GRID2: variants seen among roughly 807,000 people sequenced by gnomAD.
GRID2 encodes the protein glutamate ionotropic receptor delta type subunit 2, also known as glutamate receptor ionotropic, delta-2.
GRID2 carries 33 observed loss-of-function variants against 114.8 expected under a neutral mutation model. The observed-to-expected ratio is 0.29, with a 90% CI of 0.22 to 0.38. The LOEUF (loss-of-function observed/expected upper bound fraction) is 0.38, where lower values mean the gene tolerates loss of function less well. Ranked by LOEUF, GRID2 falls within the 10% of genes least tolerant of loss-of-function variation. The probability of loss-of-function intolerance (pLI) is 1.00; values close to 1 mark genes in which losing one functional copy is unlikely to be tolerated. For synonymous variants in GRID2, 505 were observed against 449.9 expected (o/e 1.12, Z -1.55); for missense variants, 1,184 against 1,257.7 (o/e 0.94, Z 0.89).
intron 14 of GRID2, among the ~76,000 whole-genome samples, chr4:93,663,575 A>G (rs1367008762): frequency 1.3e-5 from 2 of 152,174 alleles, no homozygotes; most frequent in South Asian, 4.1e-4. Context: ...TAAGAGGGTT[A>G]CTGTAATATG....
In GRID2 at chr4:92,448,212, C is replaced by T. The variant is rs142363519; in HGVS notation, c.89-141919C>T. Among the ~76,000 whole-genome samples the T allele has an allele frequency of 1.4e-3, 209 of 152,106 alleles. 2 individuals carry two copies. Among genetic ancestry groups the T allele is most frequent in the Middle Eastern group, 6.8e-3 (2 of 294 alleles). The stretch of plus-strand genomic sequence containing the variant: ...AGACAGTCTCACTCTGTCACCCAGG[C>T]TGCCTAGGCTGGAGTGCAGTGGTAC... On this transcript the variant is annotated intron_variant, in intron 1 of 15. Coordinates refer to ENST00000282020, the MANE Select transcript of GRID2 (RefSeq NM_001510.4).
At chr4:93,680,976 G>A (rs547101280) in intron 14 of GRID2, among the ~76,000 whole-genome samples, 3 of 151,454 alleles carry the variant, frequency 2.0e-5, no homozygotes, top group South Asian at 2.1e-4. Context: ...ATTAGGAAAA[G>A]AGGAAGTCCA....
At chr4:92,607,722 A>C (rs1008893848) in intron 2 of GRID2, among the ~76,000 whole-genome samples, 1 of 151,922 alleles carries the variant, frequency 6.6e-6, no homozygotes, top group African/African-American at 2.4e-5. Flanking sequence ...AGATGTGATC[A>C]GTATAATAAG....
At chr4:93,335,801 G>T (rs532447984) in intron 8 of GRID2, among the ~76,000 whole-genome samples, 6 of 151,466 alleles carry the variant, frequency 4.0e-5, no homozygotes, top group African/African-American at 1.5e-4. Context: ...TGGGCTCAAG[G>T]GATCCTCTCA....
chr4:93,663,417 C>T (rs562441391), intron 14 of GRID2, among the ~76,000 whole-genome samples: 45 of 152,342 alleles, frequency 3.0e-4, no homozygotes, highest in South Asian at 1.7e-3. Context: ...TGCACAGCCA[C>T]ACCAACGGTG....
At chr4:93,624,511 A>G (rs1480093124) in intron 13 of GRID2, among the ~76,000 whole-genome samples, 1 of 152,156 alleles carries the variant, frequency 6.6e-6, no homozygotes, top group Non-Finnish European at 1.5e-5. Flanking sequence ...TGGTTTACCA[A>G]TAGATAGATA....
chr4:92,337,853 A>C (rs150257607), intron 1 of GRID2, among the ~76,000 whole-genome samples: 21 of 152,296 alleles, frequency 1.4e-4, no homozygotes, highest in African/African-American at 4.6e-4. Context: ...CCAACGAGGT[A>C]TCTGGAGTGA....
exon 2 of GRID2, chr4:93,807,106 G>C (rs999925038): frequency 6.6e-6 from 1 of 152,238 alleles, no homozygotes. Context: ...CATGGATCTT[G>C]CCTGCGCCAG....
At chr4:92,402,966 C>A (rs570544718) in intron 1 of GRID2, among the ~76,000 whole-genome samples, 2 of 152,310 alleles carry the variant, frequency 1.3e-5, no homozygotes, top group South Asian at 4.1e-4. Context: ...TTAACCTGAT[C>A]TTCTGCATAA....
At chr4:92,449,041 A>G (rs1720744840) in intron 1 of GRID2, among the ~76,000 whole-genome samples, 2 of 152,100 alleles carry the variant, frequency 1.3e-5, no homozygotes, top group Non-Finnish European at 2.9e-5. Flanking sequence ...AAATATAACT[A>G]GAAATTATCG....
At chr4:92,923,504 CAAT>C (rs1174852500) in intron 2 of GRID2, among the ~76,000 whole-genome samples, 1 of 151,424 alleles carries the variant, frequency 6.6e-6, no homozygotes, top group Non-Finnish European at 1.5e-5. Context: ...AATTAGAAAT[CAAT>C]AAAAAAATCA....
chr4:93,583,254 A>AG lies in GRID2; in HGVS notation c.2194-43009dup, dbSNP rs74600961. Among the ~76,000 whole-genome samples, 1,103 of 152,272 alleles carry AG rather than the reference A, an allele frequency of 7.2e-3. 8 individuals are homozygous for AG. The highest frequency in any genetic ancestry group is 0.026 in the African/African-American group (1,063 of 41,540). On this transcript the variant is annotated intron_variant, in intron 13 of 15. Transcript: ENST00000282020. ...AGGTTCAAGATGGACATGAATTTCG[A>AG]GGGGGGCACTATTTAACTCGCTACA...
intron 3 of GRID2, among the ~76,000 whole-genome samples, chr4:93,086,982 C>T (rs894829770): frequency 2.0e-5 from 3 of 151,544 alleles, no homozygotes; most frequent in Non-Finnish European, 4.4e-5. Context: ...TTTATTTAAG[C>T]GGGGAGAACA....
intron 1 of GRID2, among the ~76,000 whole-genome samples, chr4:92,517,768 A>G (rs2149136951): frequency 6.6e-6 from 1 of 152,046 alleles, no homozygotes; most frequent in Non-Finnish European, 1.5e-5. Context: ...TGTTCCAAAT[A>G]TTAATACATC....
At chr4:92,567,406 G>A (rs1727388166) in intron 1 of GRID2, among the ~76,000 whole-genome samples, 1 of 151,958 alleles carries the variant, frequency 6.6e-6, no homozygotes, top group South Asian at 2.1e-4. Flanking sequence ...AGGAAAATGT[G>A]CTTGCTTAGA....
At chr4:93,580,257 T>C (rs968918498) in intron 13 of GRID2, among the ~76,000 whole-genome samples, 1 of 152,162 alleles carries the variant, frequency 6.6e-6, no homozygotes, top group Non-Finnish European at 1.5e-5. Context: ...AACAGATCAG[T>C]TGAACATGGA....
intron 8 of GRID2, among the ~76,000 whole-genome samples, chr4:93,240,418 G>T (rs954130362): frequency 6.6e-6 from 1 of 151,132 alleles, no homozygotes; most frequent in Non-Finnish European, 1.5e-5. Context: ...GGCTCTTCAG[G>T]TGTTTCTGAG....
intron 8 of GRID2, among the ~76,000 whole-genome samples, chr4:93,375,536 T>G (rs1230217059): frequency 6.6e-6 from 1 of 152,056 alleles, no homozygotes; most frequent in Admixed American, 6.6e-5. Flanking sequence ...TGATGTTGTG[T>G]AGGTCTCTGG....
chr4:92,566,865 A>C (rs1427734387), intron 1 of GRID2, among the ~76,000 whole-genome samples: 1 of 152,028 alleles, frequency 6.6e-6, no homozygotes, highest in East Asian at 1.9e-4. Flanking sequence ...GATGATTTTC[A>C]CTGCAGTGGT....
Sources: gnomAD v4.1 joint callset for allele counts (sites outside exome capture counted in the v4.1 genomes callset) on GRCh38, gnomAD v4.1.1 for gene constraint, MANE v1.5 for transcripts, NCBI Gene and HGNC (gene_info 2026-07-23, HGNC 2026-07-21) for gene names.